The following ARHGAP21 variants were observed in gnomAD, a reference collection of about 807,000 sequenced individuals.
ARHGAP21 encodes Rho GTPase activating protein 21, also known as rho GTPase-activating protein 21.
In ARHGAP21, 38 loss-of-function variants were observed where a neutral mutation model predicts 164.6. That is an observed-to-expected ratio of 0.23 (90% CI 0.18 to 0.30). The LOEUF (loss-of-function observed/expected upper bound fraction) is 0.30, where lower values mean the gene tolerates loss of function less well. Ranked by LOEUF, ARHGAP21 falls within the 10% of genes least tolerant of loss-of-function variation. The pLI, the probability that ARHGAP21 is intolerant of heterozygous loss-of-function variation, is 1.00. For missense variants in ARHGAP21, 1,822 were observed against 2,370.7 expected (o/e 0.77, Z 4.81); for synonymous variants, 766 against 857.9 (o/e 0.89, Z 1.87).
intron 4 of ARHGAP21, among the ~76,000 whole-genome samples, chr10:24,658,152 G>T (rs939228845): frequency 2.0e-5 from 3 of 152,002 alleles, no homozygotes; most frequent in Non-Finnish European, 4.4e-5. Context: ...TTAGAATGGC[G>T]ATCTTTAAAA....
chr10:24,674,866 G>A (rs1260206313), intron 2 of ARHGAP21, among the ~76,000 whole-genome samples: 1 of 152,070 alleles, frequency 6.6e-6, no homozygotes, highest in East Asian at 1.9e-4. Context: ...TTCAATAATG[G>A]AAATGCAAAC....
At chr10:24,589,599 A>C (rs1001063886) in intron 24 of ARHGAP21, 3 of 322,406 alleles carry the variant, frequency 9.3e-6, no homozygotes, top group African/African-American at 6.6e-5. Flanking sequence ...CTAAATATTA[A>C]ATCTAGCAAT....
intron 2 of ARHGAP21, among the ~76,000 whole-genome samples, chr10:24,720,884 G>T (rs1223068328): frequency 1.3e-5 from 2 of 151,644 alleles, no homozygotes; most frequent in African/African-American, 4.9e-5. Flanking sequence ...AAATTTAAAG[G>T]ATAACAATAT....
chr10:24,590,627 C>G, intron 24 of ARHGAP21: 1 of 1,396,400 alleles, frequency 7.2e-7, no homozygotes, highest in Non-Finnish European at 9.3e-7. Flanking sequence ...AAGTTTTCAT[C>G]AAAAGAGCCT....
At chr10:24,596,526 AAATTCCTAATGGTTGAAT>A (rs2076587858) in intron 17 of ARHGAP21, 196 bp downstream of exon 17, 2 of 628,966 alleles carry the variant, frequency 3.2e-6, no homozygotes, top group Non-Finnish European at 5.2e-6. Flanking sequence ...CATTTCAGAC[AAATTCCTAATGGTTGAAT>A]AATTATTCAA....
chr10:24,658,780 A>C lies in ARHGAP21; in HGVS notation c.268+8205T>G, dbSNP rs572242427. 6.2e-5 allele frequency among the ~76,000 whole-genome samples: 9 copies of C among 144,830 alleles called. No individual in the cohort carries two copies. The East Asian group carries it at 1.4e-3, about 23-fold the overall frequency. ...CAACATGGCACATGTATACATATGTAAAAAACCTGCACATTGTGCACATGT... is the reference window on the plus strand; with the variant it reads ...CAACATGGCACATGTATACATATGTCAAAAACCTGCACATTGTGCACATGT... On this transcript the variant is annotated intron_variant, in intron 4 of 25. Transcript: ENST00000396432.
chr10:24,677,345 T>C (rs1212241745), intron 2 of ARHGAP21, among the ~76,000 whole-genome samples: 1 of 152,178 alleles, frequency 6.6e-6, no homozygotes, highest in African/African-American at 2.4e-5. Context: ...GCATGTAAAA[T>C]GCAACTAGAA....
At chr10:24,638,261 A>G (rs148240953) in intron 4 of ARHGAP21, among the ~76,000 whole-genome samples, 47 of 152,280 alleles carry the variant, frequency 3.1e-4, no homozygotes, top group Non-Finnish European at 5.9e-4. Flanking sequence ...ATTTCCTGTA[A>G]ATATCCCTTA....
intron 2 of ARHGAP21, among the ~76,000 whole-genome samples, chr10:24,696,471 CA>C (rs1474258115): frequency 6.6e-6 from 1 of 152,298 alleles, no homozygotes; most frequent in South Asian, 2.1e-4. Context: ...CCTCAGCATT[CA>C]GGGGCAGTAG....
chr10:24,635,081 T>C lies in ARHGAP21; in HGVS notation c.291A>G (p.Glu97=), dbSNP rs1836233743. 1 of 1,594,276 alleles carries C rather than the reference T, an allele frequency of 6.3e-7. No homozygotes were observed. Among genetic ancestry groups the C allele is most frequent in the African/African-American group, 1.4e-5 (1 of 74,048 alleles). ...GCTTAACAAATATGGTATCCATTGG[T>C]TCCAAGCGGTTTCTTTGTTTTCCTG... is the stretch of plus-strand genomic sequence containing the variant. The part of the protein sequence containing the change: ...NRGGKQRNRL[E]PMDTIFVKQV... Residue 97 remains glutamate, a synonymous_variant, in exon 5 of 26, where the codon GAA becomes GAG. Transcript: ENST00000396432.
At chr10:24,647,277 T>C (rs1266011061) in intron 4 of ARHGAP21, among the ~76,000 whole-genome samples, 1 of 152,252 alleles carries the variant, frequency 6.6e-6, no homozygotes, top group Non-Finnish European at 1.5e-5. Context: ...TAAAATATTT[T>C]TTTTAACCTT....
intron 4 of ARHGAP21, among the ~76,000 whole-genome samples, chr10:24,643,307 T>C (rs900240521): frequency 1.3e-5 from 2 of 152,248 alleles, no homozygotes; most frequent in African/African-American, 4.8e-5. Flanking sequence ...TTATCATATC[T>C]AGATTCATAG....
At chr10:24,614,758 G>A (rs2077404336) in intron 9 of ARHGAP21, among the ~76,000 whole-genome samples, 2 of 146,832 alleles carry the variant, frequency 1.4e-5, no homozygotes, top group Admixed American at 1.4e-4. Flanking sequence ...ACTCCAGGCT[G>A]GGTGACAGAG....
In ARHGAP21 at chr10:24,667,016, A is replaced by T; in HGVS notation, c.244-7T>A. ...TGTTTCCATTTTCTTCATCCTACAA[A>T]TGAAAATATATATATACATATATGA... On this transcript the variant is annotated splice_polypyrimidine_tract_variant and splice_region_variant and intron_variant, in intron 3 of 25. Transcript: ENST00000396432. 1.5e-6 allele frequency: 2 copies of T among 1,315,752 alleles called. No individual in the cohort carries two copies. Among genetic ancestry groups the T allele is most frequent in the Non-Finnish European group, 2.1e-6 (2 of 941,534 alleles). 81.5% of individuals were successfully genotyped at this position (1,315,752 alleles called of 1,614,324 possible).
chr10:24,632,926 C>A (rs1024990750), intron 6 of ARHGAP21, among the ~76,000 whole-genome samples: 1 of 152,108 alleles, frequency 6.6e-6, no homozygotes, highest in African/African-American at 2.4e-5. Flanking sequence ...AGCTCAAAAT[C>A]CTACTATTCT....
At chr10:24,702,127 C>CTTTTTTTTTTT (rs71798625) in intron 2 of ARHGAP21, among the ~76,000 whole-genome samples, 1 of 104,630 alleles carries the variant, frequency 9.6e-6, no homozygotes, top group Non-Finnish European at 1.8e-5. Context: ...ACTTCCGGTT[C>CTTTTTTTTTTT]TTTTTTTTTT....
At chr10:24,591,768 A>G in intron 22 of ARHGAP21, 85 bp from the exon 23 acceptor site, 2 of 1,599,056 alleles carry the variant, frequency 1.3e-6, no homozygotes, top group Non-Finnish European at 1.7e-6. Context: ...AAAAAGGGTA[A>G]TTTTCTTAGG....
chr10:24,675,076 C>T (rs983627608), intron 2 of ARHGAP21, among the ~76,000 whole-genome samples: 8 of 152,128 alleles, frequency 5.3e-5, no homozygotes, highest in South Asian at 2.1e-4. Flanking sequence ...CCATTCTACT[C>T]ATAGAGAAAT....
At chr10:24,659,746 C>T (rs1348799174) in intron 4 of ARHGAP21, among the ~76,000 whole-genome samples, 1 of 152,170 alleles carries the variant, frequency 6.6e-6, no homozygotes, top group Non-Finnish European at 1.5e-5. Flanking sequence ...TCAAGCTGTT[C>T]TCCTGCCTTG....
Sources: allele counts gnomAD v4.1 joint callset (sites outside exome capture counted in the v4.1 genomes callset), GRCh38; gene constraint gnomAD v4.1.1; transcripts MANE v1.5; gene names NCBI Gene and HGNC (gene_info 2026-07-23, HGNC 2026-07-21).